The following RBM27 variants were observed in gnomAD, a reference collection of about 807,000 sequenced individuals.
The protein encoded by RBM27 is RNA binding motif protein 27, also known as RNA-binding protein 27.
RBM27 carries 22 observed loss-of-function variants against 135.3 expected under a neutral mutation model. The observed-to-expected ratio is 0.16, with a 90% CI of 0.12 to 0.23. The LOEUF (loss-of-function observed/expected upper bound fraction) is 0.23, where lower values mean the gene tolerates loss of function less well. Among genes scored for constraint, RBM27 ranks in the 10% least tolerant of loss-of-function variants. The pLI is 1.00. For synonymous variants in RBM27, 481 were observed against 442.4 expected (o/e 1.09, Z -1.10); for missense variants, 1,009 against 1,281.0 (o/e 0.79, Z 3.24).
chr5:146,218,080 A>G (rs1756290807), intron 1 of RBM27, among the ~76,000 whole-genome samples: 1 of 152,186 alleles, frequency 6.6e-6, no homozygotes, highest in Admixed American at 6.6e-5. Flanking sequence ...TTTTACCTTC[A>G]TAACCTGACT....
intron 10 of RBM27, among the ~76,000 whole-genome samples, chr5:146,258,175 C>T (rs1366638922): frequency 1.3e-5 from 2 of 152,160 alleles, no homozygotes; most frequent in Non-Finnish European, 2.9e-5. Context: ...CCATAAATAT[C>T]TTGTTTTCCA....
At chr5:146,247,926 A>C (rs1757700943) in intron 8 of RBM27, among the ~76,000 whole-genome samples, 1 of 152,128 alleles carries the variant, frequency 6.6e-6, no homozygotes, top group African/African-American at 2.4e-5. Flanking sequence ...TGAAACTCTA[A>C]ATCTATAGTT....
intron 19 of RBM27, 119 bp from the exon 20 acceptor site, chr5:146,284,503 A>T (rs1759503523): frequency 2.8e-6 from 2 of 709,714 alleles, no homozygotes; most frequent in East Asian, 5.2e-5. Context: ...GAGATTGTAG[A>T]TCCACCTTAA....
intron 20 of RBM27, 121 bp from the exon 21 acceptor site, chr5:146,285,826 A>T: frequency 1.5e-6 from 1 of 657,208 alleles, no homozygotes; most frequent in Non-Finnish European, 2.6e-6. Context: ...ATACTCTTGC[A>T]TGCATCCCTT....
In RBM27 at chr5:146,233,640, A is replaced by G. The variant is rs546857957; in HGVS notation, c.1041A>G (p.Pro347=). Residue 347 remains proline, a synonymous_variant, in exon 7 of 21, where the codon CCA becomes CCG. Coordinates refer to ENST00000265271, the MANE Select transcript of RBM27 (RefSeq NM_018989.2). The stretch of plus-strand genomic sequence containing the variant: ...CAGGCCCAGGCCCGGGCCCAGGTCC[A>G]GGCCCAGGCCCGGGCCCAGGTCCAG... ...PGPGPGPGPG[P]GPGPGPGPGP... 5 of 1,572,352 alleles carry G rather than the reference A, an allele frequency of 3.2e-6. No homozygotes were observed. The highest frequency in any genetic ancestry group is 2.4e-5 in the South Asian group (2 of 84,132).
At position 146,285,931 on chromosome 5, in the gene RBM27, A is replaced by T; in HGVS notation, c.3100-16A>T. 2.5e-6 allele frequency: 4 copies of T among 1,601,726 alleles called. No homozygotes were observed. The South Asian group carries it at 3.3e-5, about 13-fold the overall frequency. ...TTCTTGTGCCACTAAGCAGATTTTA[A>T]CCTCTCTTTCTTCAGGAAACAGAAA... On this transcript the variant is annotated splice_polypyrimidine_tract_variant and intron_variant, in intron 20 of 20. Coordinates refer to ENST00000265271, the MANE Select transcript of RBM27 (RefSeq NM_018989.2).
chr5:146,286,321 G>T lies in RBM27; in HGVS notation c.*291G>T. On this transcript the variant is annotated 3_prime_UTR_variant, in exon 21 of 21. Transcript: ENST00000265271. ...CTTTTTTTTGTTGCTGTTGGTGTTG[G>T]ATTATGATGTAAATGACAGGGTGTT... The T allele has an allele frequency of 4.7e-6, 1 of 214,090 alleles. No homozygotes were observed. Among genetic ancestry groups the T allele is most frequent in the Non-Finnish European group, 9.1e-6 (1 of 109,340 alleles). 13.3% of individuals were successfully genotyped at this position (214,090 alleles called of 1,614,324 possible).
intron 19 of RBM27, among the ~76,000 whole-genome samples, chr5:146,278,693 A>G (rs774481556): frequency 2.0e-5 from 3 of 150,990 alleles, no homozygotes; most frequent in Non-Finnish European, 4.4e-5. Context: ...CAGTTGAACC[A>G]TCCTGTATTG....
chr5:146,281,878 T>C (rs920568892), intron 19 of RBM27, among the ~76,000 whole-genome samples: 1 of 152,220 alleles, frequency 6.6e-6, no homozygotes, highest in Non-Finnish European at 1.5e-5. Flanking sequence ...GTATATTCTT[T>C]TGTGCTTGGC....
intron 19 of RBM27, among the ~76,000 whole-genome samples, chr5:146,283,767 T>C (rs1286860844): frequency 1.3e-5 from 2 of 152,194 alleles, no homozygotes; most frequent in Non-Finnish European, 2.9e-5. Flanking sequence ...CCAAGTGTTT[T>C]ATGGAAACAT....
At chr5:146,230,586 A>C (rs565578555) in intron 5 of RBM27, 71 bp from the exon 6 acceptor site, 5 of 1,484,444 alleles carry the variant, frequency 3.4e-6, no homozygotes, top group Non-Finnish European at 4.6e-6. Flanking sequence ...TATGTGAGAA[A>C]ATAAATATAG....
At position 146,227,713 on chromosome 5, in the gene RBM27, T is replaced by C. The variant is rs1159481390; in HGVS notation, c.304-1233T>C. The stretch of plus-strand genomic sequence containing the variant: ...GAGATAGCGCCACTGCACTCCAACG[T>C]GGGCGACAGAGTGAGACTCGGTCTC... On this transcript the variant is annotated intron_variant, in intron 3 of 20. Coordinates refer to ENST00000265271, the MANE Select transcript of RBM27 (RefSeq NM_018989.2). 3.9e-5 allele frequency among the ~76,000 whole-genome samples: 6 copies of C among 152,328 alleles called. No homozygotes were observed. In the East Asian group the frequency reaches 1.2e-3, roughly 29 times the overall value.
intron 6 of RBM27, among the ~76,000 whole-genome samples, chr5:146,231,691 C>T (rs969699631): frequency 6.6e-6 from 1 of 152,104 alleles, no homozygotes; most frequent in Non-Finnish European, 1.5e-5. Context: ...AATCTCGGCT[C>T]ACTGCAGCCT....
intron 20 of RBM27, 68 bp from the exon 21 acceptor site, chr5:146,285,879 T>G (rs1009934768): frequency 9.6e-6 from 12 of 1,246,322 alleles, no homozygotes; most frequent in Middle Eastern, 3.7e-4. Context: ...TGTTTGTCCT[T>G]TGGCCTAAAA....
At chr5:146,215,390 C>G (rs756724518) in intron 1 of RBM27, among the ~76,000 whole-genome samples, 1 of 152,218 alleles carries the variant, frequency 6.6e-6, no homozygotes, top group Non-Finnish European at 1.5e-5. Flanking sequence ...TATCCAATAT[C>G]TGAATGTTTT....
chr5:146,239,135 G>A (rs1757293238), intron 8 of RBM27, among the ~76,000 whole-genome samples: 1 of 152,074 alleles, frequency 6.6e-6, no homozygotes, highest in Non-Finnish European at 1.5e-5. Context: ...ACCTAGAATT[G>A]AAACCTTCAC....
chr5:146,283,962 C>G (rs932485317), intron 19 of RBM27, among the ~76,000 whole-genome samples: 10 of 152,072 alleles, frequency 6.6e-5, no homozygotes, highest in African/African-American at 2.4e-4. Flanking sequence ...ATCCCTAGTC[C>G]CTTGTCTGTG....
intron 12 of RBM27, chr5:146,261,251 C>CAGAGAA: frequency 5.4e-6 from 3 of 553,290 alleles, no homozygotes. Context: ...ACATGGCAGA[C>CAGAGAA]AGAGAAAGAG....
chr5:146,218,879 A>C, intron 1 of RBM27, 106 bp from the exon 2 acceptor site: 1 of 618,626 alleles, frequency 1.6e-6, no homozygotes, highest in East Asian at 2.8e-5. Context: ...TTTTTAGAAT[A>C]GAGTTTTGAT....
Sources: gnomAD v4.1 joint callset for allele counts (sites outside exome capture counted in the v4.1 genomes callset) on GRCh38, gnomAD v4.1.1 for gene constraint, MANE v1.5 for transcripts, NCBI Gene and HGNC (gene_info 2026-07-23, HGNC 2026-07-21) for gene names.